Variants in MUC4 observed in about 807,000 individuals in gnomAD.
MUC4 encodes the protein mucin 4, cell surface associated.
In MUC4, 202 loss-of-function variants were observed where a neutral mutation model predicts 257.9. The ratio of observed to expected loss-of-function variants is 0.78; its 90% CI spans 0.70 to 0.88. The LOEUF (loss-of-function observed/expected upper bound fraction) is 0.88, where lower values mean the gene tolerates loss of function less well. Among genes scored for constraint, MUC4 ranks in the 40% least tolerant of loss-of-function variants. The pLI is 0.00. For synonymous variants in MUC4, 2,351 were observed against 2,757.1 expected (o/e 0.85, Z 4.62); for missense variants, 5,976 against 6,513.7 (o/e 0.92, Z 2.84).
intron 16 of MUC4, among the ~76,000 whole-genome samples, chr3:195,759,991 A>AG (rs1191860975): frequency 6.9e-6 from 1 of 145,184 alleles, no homozygotes; most frequent in Non-Finnish European, 1.5e-5. Flanking sequence ...AGAAATAGAG[A>AG]GGGAGTGAAA....
chr3:195,776,865 C>T (rs1553865620), intron 3 of MUC4, among the ~76,000 whole-genome samples: 2 of 30,094 alleles, frequency 6.6e-5, no homozygotes, highest in African/African-American at 2.4e-4. Context: ...CCTTCCACAC[C>T]CATACCTTCC....
intron 4 of MUC4, among the ~76,000 whole-genome samples, chr3:195,772,266 G>A (rs1432559564): frequency 4.0e-5 from 6 of 150,636 alleles, no homozygotes; most frequent in East Asian, 2.0e-4. Context: ...TCTCTCCATC[G>A]CTCAGGGGTG....
In MUC4 at chr3:195,788,938, G is replaced by A. The variant is rs764002283; in HGVS notation, c.2642C>T (p.Thr881Ile). 1 of 1,613,676 alleles carries A rather than the reference G, an allele frequency of 6.2e-7. No individual in the cohort carries two copies. Among genetic ancestry groups the A allele is most frequent in the Non-Finnish European group, 8.5e-7 (1 of 1,179,738 alleles). The change falls in exon 2 of 25, where the codon ACT becomes ATT. Residue 881 changes from threonine to isoleucine, a missense_variant. By Grantham distance (89) the Thr-to-Ile change is moderately conservative. Transcript: ENST00000463781. Reference protein sequence around the residue: ...TFHPTLSEASTAGRPTGQSSP... With the variant: ...TFHPTLSEASIAGRPTGQSSP... ...TGACTGTCCTGTCGGTCTCCCTGCA[G>A]TGGAGGCCTCAGAGAGGGTGGGATG...
Position 195,781,072 on chromosome 3 carries a change from C to CG in MUC4, c.10507_10508insC (p.Ser3503ThrfsTer47), listed in dbSNP as rs1727530688. 9 of 1,175,704 alleles carry CG rather than the reference C, an allele frequency of 7.7e-6. No individual in the cohort carries two copies. The African/African-American group carries it at 1.0e-4, about 14-fold the overall frequency. 72.8% of individuals were successfully genotyped at this position (1,175,704 alleles called of 1,614,324 possible). On this transcript the variant is annotated frameshift_variant, in exon 2 of 25. Coordinates refer to ENST00000463781, the MANE Select transcript of MUC4 (RefSeq NM_018406.7). LOFTEE classifies it high-confidence loss of function. ...GGAAGCGCCGGTGACAGGAAGAGTG[C>CG]TGGTGTCACCTGTGGATGCTGAGGA...
chr3:195,787,935 G>T lies in MUC4; in HGVS notation c.3645C>A (p.Thr1215=), dbSNP rs1262285287. Residue 1215 remains threonine (T), a synonymous_variant, in exon 2 of 25, where the codon ACC becomes ACA. Coordinates refer to ENST00000463781, the MANE Select transcript of MUC4 (RefSeq NM_018406.7). ...DTSSASTGHA[T]PLPVTDASSV... is the part of the protein sequence containing the mutation. ...AGGAAGCGTCGGTGACAGGAAGAGG[G>T]GTGGCGTGTCCTGTGGATGCTGAGG... The T allele has an allele frequency of 9.6e-7, 1 of 1,042,548 alleles. No individual in the cohort carries two copies. The highest frequency in any genetic ancestry group is 2.9e-5 in the East Asian group (1 of 34,962). The allele number at this position is 1,042,548 out of a possible 1,614,324, so 64.6% of individuals were successfully genotyped here. A position where few individuals can be genotyped will look rare whatever the true frequency, so the allele number is the denominator to read the frequency against.
intron 19 of MUC4, chr3:195,754,007 A>C: frequency 3.2e-6 from 2 of 623,858 alleles, no homozygotes; most frequent in Non-Finnish European, 5.2e-6. Flanking sequence ...CACACCATCC[A>C]CCACCCCCTT....
intron 21 of MUC4, chr3:195,751,670 C>CA (rs967904604): frequency 3.1e-6 from 1 of 318,028 alleles, no homozygotes; most frequent in African/African-American, 2.1e-5. Context: ...AGTCTAAACT[C>CA]AAAGAGTGCA....
In MUC4 at chr3:195,789,559, C is replaced by T; in HGVS notation, c.2021G>A (p.Ser674Asn). The change falls in exon 2 of 25, where the codon AGT becomes AAT. Residue 674 changes from serine (S) to asparagine (N), a missense_variant. This residue lies in a region of MUC4 where 1,583 missense variants were observed against 1,257.4 expected (regional missense o/e 1.26). Transcript: ENST00000463781. ...AACAATTTCTGAGGGCGAGTGCCCA[C>T]TGGCTGTGAAGGAAGAACCTGGGGT... ...VTTPGSSFTA[S>N]GHSPSEIVPQ... 6.2e-7 allele frequency: 1 copy of T among 1,613,790 alleles called. No individual in the cohort carries two copies. The highest frequency in any genetic ancestry group is 8.5e-7 in the Non-Finnish European group (1 of 1,179,838).
At position 195,751,266 on chromosome 3, in the gene MUC4, T is replaced by A; in HGVS notation, c.15588A>T (p.Ala5196=). The part of the protein sequence containing the change: ...ASMAEVNASV[A]YRLGTLDMRA... Reference sequence around the variant, plus strand: ...GCATGTCCAGGGTCCCCAGTCTGTATGCCACCTAGGTTAGAGGATGGCAGA... The same window carrying A: ...GCATGTCCAGGGTCCCCAGTCTGTAAGCCACCTAGGTTAGAGGATGGCAGA... Residue 5196 remains alanine, a synonymous_variant, in exon 22 of 25, where the codon GCA becomes GCT. Transcript: ENST00000463781. 6.2e-7 allele frequency: 1 copy of A among 1,605,566 alleles called. No homozygotes were observed. Among genetic ancestry groups the A allele is most frequent in the South Asian group, 1.1e-5 (1 of 89,024 alleles).
chr3:195,788,057 A>C lies in MUC4; in HGVS notation c.3523T>G (p.Ser1175Ala). 2 of 1,480,542 alleles carry C rather than the reference A, an allele frequency of 1.4e-6. No individual in the cohort carries two copies. The highest frequency in any genetic ancestry group is 1.2e-5 in the South Asian group (1 of 81,054). 91.7% of individuals were successfully genotyped at this position (1,480,542 alleles called of 1,614,324 possible). The change falls in exon 2 of 25, where the codon TCC becomes GCC. Residue 1175 changes from serine to alanine, a missense_variant. Physicochemically the swap from Ser to Ala is moderately conservative, Grantham distance 99. Transcript: ENST00000463781. Reference sequence around the variant, plus strand: ...GTGGTGTCACCTGTGGATACTGAGGAAAGGCTGGTGACAGGAAGAGGGGTG... The same window carrying C: ...GTGGTGTCACCTGTGGATACTGAGGCAAGGCTGGTGACAGGAAGAGGGGTG... ...QATPLPVTSL[S>A]SVSTGDTTPL...
chr3:195,773,533 C>T (rs1030772533), intron 4 of MUC4, among the ~76,000 whole-genome samples: 1 of 131,882 alleles, frequency 7.6e-6, no homozygotes, highest in Admixed American at 7.2e-5. Flanking sequence ...CATCGCTCAG[C>T]AGGTGTGGAC....
intron 3 of MUC4, among the ~76,000 whole-genome samples, chr3:195,776,819 G>GC (rs1724909534): frequency 7.7e-5 from 2 of 25,886 alleles, no homozygotes; most frequent in Non-Finnish European, 1.6e-4. Flanking sequence ...ACCTTCCACG[G>GC]CCATACCTTC....
At chr3:195,803,759 G>A (rs1175014925) in intron 1 of MUC4, among the ~76,000 whole-genome samples, 1 of 152,254 alleles carries the variant, frequency 6.6e-6, no homozygotes, top group East Asian at 1.9e-4. Flanking sequence ...GGGGCTCGGG[G>A]TAAGAGCCAT....
chr3:195,782,262 A>C lies in MUC4; in HGVS notation c.9318T>G (p.Pro3106=), dbSNP rs1578267199. 6.5e-7 allele frequency: 1 copy of C among 1,534,996 alleles called. No individual in the cohort carries two copies. The change falls in exon 2 of 25, where the codon CCT becomes CCG. Residue 3106 remains proline, a synonymous_variant. Transcript: ENST00000463781. ...TGGATGCTGAGGAAGGGCTAGTGAC[A>C]GGAAGAGGCGTGGTGTCACCTGTGG... ...SVSTGDTTPL[P]VTSPSSASTG...
rs764611308 is a variant in MUC4 at position 195,789,896 on chromosome 3, C to T, written c.1684G>A (p.Gly562Ser). The T allele has an allele frequency of 7.4e-6, 12 of 1,614,002 alleles. 1 individual carries two copies. In the South Asian group the frequency reaches 7.7e-5, roughly 10 times the overall value. The part of the protein sequence containing the change: ...STTLPKTTGA[G>S]AQTQWTQETG... ...TCTTGTGTCCATTGTGTCTGGGCGC[C>T]TGCCCCTGTTGTTTTTGGGAGAGTT... is the stretch of plus-strand genomic sequence containing the variant. Residue 562 changes from glycine to serine, a missense_variant, in exon 2 of 25, where the codon GGC becomes AGC. Gly to Ser is a moderately conservative substitution (Grantham distance 56). Coordinates refer to ENST00000463781, the MANE Select transcript of MUC4 (RefSeq NM_018406.7).
chr3:195,791,717 G>A (rs776212912), intron 1 of MUC4, among the ~76,000 whole-genome samples: 1 of 152,042 alleles, frequency 6.6e-6, no homozygotes, highest in Admixed American at 6.6e-5. Flanking sequence ...CAAAGTGGGA[G>A]GCTACCTGAC....
intron 1 of MUC4, chr3:195,809,988 G>C (rs1007743686): frequency 1.3e-5 from 2 of 152,590 alleles, no homozygotes; most frequent in Non-Finnish European, 2.9e-5. Context: ...CCTCGCTCTG[G>C]GAGTCATGAT....
rs756318994 is a variant in MUC4 at position 195,771,724 on chromosome 3, G to A, written c.13170C>T (p.Asp4390=). 1.2e-6 allele frequency: 2 copies of A among 1,613,880 alleles called. No individual in the cohort carries two copies. The highest frequency in any genetic ancestry group is 2.2e-5 in the East Asian group (1 of 44,846). The change falls in exon 5 of 25, where the codon GAC becomes GAT. Residue 4390 remains aspartate (D), a synonymous_variant. Transcript: ENST00000463781. The stretch of plus-strand genomic sequence containing the variant: ...AGAACGGAGCCACCAGGGCCACAGG[G>A]TCCCGGCCTGTGAAGCCTGTTGGGA... ...NPLPTGFTGR[D]PVALVAPFWD...
intron 1 of MUC4, among the ~76,000 whole-genome samples, chr3:195,809,382 G>A (rs919335301): frequency 6.6e-6 from 1 of 152,204 alleles, no homozygotes; most frequent in African/African-American, 2.4e-5. Context: ...AAGGAACGGG[G>A]CTGGCTGGCT....
Sources: gnomAD v4.1 joint callset for allele counts (sites outside exome capture counted in the v4.1 genomes callset) on GRCh38, gnomAD v4.1.1 for gene constraint, gnomAD v4.1.1 regional missense constraint, MANE v1.5 for transcripts, NCBI Gene and HGNC (gene_info 2026-07-23, HGNC 2026-07-21) for gene names.